Variants in ANKRD36B observed in about 807,000 individuals in gnomAD.
ANKRD36B encodes the protein ankyrin repeat domain-containing protein 36B.
Under a neutral mutation model 135.7 loss-of-function variants are expected in ANKRD36B, and 37 were observed. The ratio of observed to expected loss-of-function variants is 0.27; its 90% confidence interval spans 0.21 to 0.36. The LOEUF (loss-of-function observed/expected upper bound fraction) is 0.36, where lower values mean the gene tolerates loss of function less well. Among genes scored for constraint, ANKRD36B ranks in the 10% least tolerant of loss-of-function variants. ANKRD36B has a pLI of 1.00. For missense variants in ANKRD36B, 549 were observed against 1,037.1 expected (o/e 0.53, Z 6.46); for synonymous variants, 179 against 348.1 (o/e 0.51, Z 5.41).
At chr2:97,568,125 C>T (rs866534411) in intron 6 of ANKRD36B, among the ~76,000 whole-genome samples, 2 of 151,968 alleles carry the variant, frequency 1.3e-5, no homozygotes, top group African/African-American at 4.8e-5. Context: ...CTAATTTATG[C>T]ATTAAATTTT....
chr2:97,562,630 A>T (rs2081128697), intron 6 of ANKRD36B, among the ~76,000 whole-genome samples: 1 of 151,996 alleles, frequency 6.6e-6, no homozygotes, highest in Non-Finnish European at 1.5e-5. Context: ...GCCCAATTTG[A>T]CATACATTTT....
rs1159226772 is a variant in ANKRD36B at position 97,516,192 on chromosome 2, T to TAA, written c.2408-249_2408-248dup. Among the ~76,000 whole-genome samples the TAA allele has an allele frequency of 7.1e-3, 236 of 33,468 alleles. 1 individual carries two copies. The highest frequency in any genetic ancestry group is 0.025 in the East Asian group (47 of 1,876). The allele number at this position is 33,468 out of a possible 152,430, so 22.0% of individuals were successfully genotyped here. On this transcript the variant is annotated intron_variant, in intron 36 of 43. Coordinates refer to ENST00000359901, the MANE Select transcript of ANKRD36B (RefSeq NM_001393939.1). ...CAGTTATAAACTCAGATAGGTCCTG[T>TAA]AAAAAAAAAAAAAAAAAAAAAACAT...
At chr2:97,581,041 T>C (rs1301127147) in intron 3 of ANKRD36B, among the ~76,000 whole-genome samples, 1 of 120,640 alleles carries the variant, frequency 8.3e-6, no homozygotes, top group Non-Finnish European at 1.6e-5. Context: ...ATATTTACTT[T>C]ACCAGAATTT....
intron 32 of ANKRD36B, 146 bp downstream of exon 32, chr2:97,538,022 C>T: frequency 2.4e-6 from 1 of 425,394 alleles, no homozygotes; most frequent in South Asian, 1.8e-5. Flanking sequence ...ATCAACAACA[C>T]CTGACAACTC....
In ANKRD36B at chr2:97,533,606, TTAGA is replaced by T. The variant is rs1444639173; in HGVS notation, c.2192-1226_2192-1223del. On this transcript the variant is annotated intron_variant, in intron 34 of 43. Coordinates refer to ENST00000359901, the MANE Select transcript of ANKRD36B (RefSeq NM_001393939.1). ...GAGAAACTGTTTAAAATTAATCAGCTTAGATAGACAGTTGTAGAATAAAAATTAA... is the reference window on the plus strand; with the variant it reads ...GAGAAACTGTTTAAAATTAATCAGCTTAGACAGTTGTAGAATAAAAATTAA... Among the ~76,000 whole-genome samples, 4 of 96,434 alleles carry T rather than the reference TTAGA, an allele frequency of 4.1e-5. 1 individual carries two copies. Among genetic ancestry groups the T allele is most frequent in the Admixed American group, 1.8e-4 (2 of 10,954 alleles). The allele number at this position is 96,434 out of a possible 152,430, so 63.3% of individuals were successfully genotyped here.
chr2:97,560,411 G>A (rs1210948487), intron 8 of ANKRD36B, among the ~76,000 whole-genome samples: 1 of 151,774 alleles, frequency 6.6e-6, no homozygotes, highest in Non-Finnish European at 1.5e-5. Context: ...CCCTTAGCCT[G>A]GTATGTGTTG....
chr2:97,569,032 CCA>C (rs1427194082), intron 6 of ANKRD36B, among the ~76,000 whole-genome samples: 3 of 152,110 alleles, frequency 2.0e-5, no homozygotes, highest in Non-Finnish European at 2.9e-5. Flanking sequence ...CTTTCTGACT[CCA>C]GTTTTATAAA....
Position 97,562,334 on chromosome 2 carries a change from A to T in ANKRD36B, c.764-1474T>A, listed in dbSNP as rs542650916. ...ATGCATTCTTTGATTCCTTTTTTTTAAAATCTAGTTTCACATGATATACCA... is the reference window on the plus strand; with the variant it reads ...ATGCATTCTTTGATTCCTTTTTTTTTAAATCTAGTTTCACATGATATACCA... On this transcript the variant is annotated intron_variant, in intron 6 of 43. Transcript: ENST00000359901. 9.1e-3 allele frequency among the ~76,000 whole-genome samples: 1,383 copies of T among 151,852 alleles called. 30 individuals are homozygous for T. The highest frequency in any genetic ancestry group is 0.031 in the African/African-American group (1,303 of 41,474).
chr2:97,527,682 T>C lies in ANKRD36B; in HGVS notation c.2266-4215A>G, dbSNP rs1211958784. On this transcript the variant is annotated intron_variant, in intron 35 of 43. Transcript: ENST00000359901. ...CCCATCTCACATGCAGAGACACACA[T>C]AGGTTCAAAATAAAAGGATGGAGGA... 2.1e-5 allele frequency among the ~76,000 whole-genome samples: 2 copies of C among 95,062 alleles called. 1 individual carries two copies. The highest frequency in any genetic ancestry group is 6.3e-5 in the African/African-American group (2 of 31,554). 62.4% of individuals were successfully genotyped at this position (95,062 alleles called of 152,430 possible).
At chr2:97,564,372 T>C (rs1239018478) in intron 6 of ANKRD36B, among the ~76,000 whole-genome samples, 1 of 152,114 alleles carries the variant, frequency 6.6e-6, no homozygotes, top group Non-Finnish European at 1.5e-5. Context: ...ACACAAGTTC[T>C]TTAGTTTAAT....
chr2:97,530,938 A>T (rs2078547077), intron 35 of ANKRD36B, among the ~76,000 whole-genome samples: 1 of 96,740 alleles, frequency 1.0e-5, no homozygotes, highest in East Asian at 2.3e-4. Flanking sequence ...AGAAATAGCA[A>T]CACTTTTACA....
chr2:97,569,410 G>A (rs1390299183), intron 6 of ANKRD36B, among the ~76,000 whole-genome samples: 3 of 152,128 alleles, frequency 2.0e-5, no homozygotes, highest in African/African-American at 7.2e-5. Context: ...AGTTGACAGG[G>A]GTTAATTGTG....
intron 12 of ANKRD36B, among the ~76,000 whole-genome samples, chr2:97,555,790 T>C (rs1342177182): frequency 1.3e-5 from 2 of 151,940 alleles, no homozygotes; most frequent in Admixed American, 6.6e-5. Context: ...GGATATATGG[T>C]TGGTGAATCC....
chr2:97,557,639 G>A (rs1410821205), intron 10 of ANKRD36B, among the ~76,000 whole-genome samples: 1 of 151,690 alleles, frequency 6.6e-6, no homozygotes, highest in East Asian at 1.9e-4. Flanking sequence ...ACAAGTCCTC[G>A]GTGGAAGTGG....
intron 6 of ANKRD36B, among the ~76,000 whole-genome samples, chr2:97,567,289 GCTCTCC>G (rs2081516335): frequency 1.3e-5 from 2 of 148,198 alleles, no homozygotes; most frequent in Non-Finnish European, 3.0e-5. Flanking sequence ...CTACCTGGAT[GCTCTCC>G]AAATCCAATC....
chr2:97,528,057 T>C (rs2078319652), intron 35 of ANKRD36B, among the ~76,000 whole-genome samples: 1 of 95,802 alleles, frequency 1.0e-5, no homozygotes, highest in South Asian at 2.4e-4. Flanking sequence ...GTGGACCTAA[T>C]AGACATCTAC....
intron 20 of ANKRD36B, among the ~76,000 whole-genome samples, chr2:97,548,076 G>A (rs1478364218): frequency 2.0e-5 from 3 of 151,758 alleles, no homozygotes; most frequent in African/African-American, 7.2e-5. Flanking sequence ...CAACGTGAAA[G>A]CAGGTGCTAC....
chr2:97,533,571 T>C (rs2078709444), intron 34 of ANKRD36B, among the ~76,000 whole-genome samples: 1 of 96,988 alleles, frequency 1.0e-5, no homozygotes, highest in African/African-American at 3.1e-5. Context: ...ATACAATTTA[T>C]TTCTCATCAG....
chr2:97,528,259 C>T (rs553420256), intron 35 of ANKRD36B, among the ~76,000 whole-genome samples: 1 of 95,348 alleles, frequency 1.0e-5, no homozygotes, highest in African/African-American at 3.1e-5. Flanking sequence ...TCACTAAAAA[C>T]CGCTCAACTA....
Sources: gnomAD v4.1 joint callset for allele counts (sites outside exome capture counted in the v4.1 genomes callset) on GRCh38, gnomAD v4.1.1 for gene constraint, MANE v1.5 for transcripts, NCBI Gene and HGNC (gene_info 2026-07-23, HGNC 2026-07-21) for gene names.